The following BBX variants were observed in gnomAD, a reference collection of about 807,000 sequenced individuals.
BBX encodes HMG box transcription factor BBX.
A neutral mutation model predicts 100.2 loss-of-function variants in BBX; 30 were observed. That is an observed-to-expected ratio of 0.30 (90% CI 0.22 to 0.41). The LOEUF is 0.41. Ranked by LOEUF, BBX falls within the 10% of genes least tolerant of loss-of-function variation. BBX has a pLI of 1.00. For missense variants in BBX, 1,023 were observed against 1,129.8 expected (o/e 0.91, Z 1.35); for synonymous variants, 376 against 388.1 (o/e 0.97, Z 0.37).
At chr3:107,693,360 T>G (rs1465368570) in intron 3 of BBX, among the ~76,000 whole-genome samples, 2 of 151,808 alleles carry the variant, frequency 1.3e-5, no homozygotes, top group African/African-American at 2.4e-5. Context: ...TAGTCCATCT[T>G]GAATTGACTT....
intron 2 of BBX, among the ~76,000 whole-genome samples, chr3:107,560,985 CTGTGCATTGTAGAA>C: frequency 6.6e-6 from 1 of 152,202 alleles, no homozygotes; most frequent in Admixed American, 6.5e-5. Flanking sequence ...GAAGGCTGTC[CTGTGCATTGTAGAA>C]TGTTTAGCAG....
chr3:107,805,521 A>T lies in BBX; in HGVS notation c.*64A>T. On this transcript the variant is annotated 3_prime_UTR_variant, in exon 18 of 18. Coordinates refer to ENST00000325805, the MANE Select transcript of BBX (RefSeq NM_001142568.3). Reference sequence around the variant, plus strand: ...ACCCTAGCCTTGTCTTTACCGAGGGATGCTAGTGAGTCCAAGTGGTGGAAA... The same window carrying T: ...ACCCTAGCCTTGTCTTTACCGAGGGTTGCTAGTGAGTCCAAGTGGTGGAAA... 1 of 1,613,222 alleles carries T rather than the reference A, an allele frequency of 6.2e-7. No homozygotes were observed. The highest frequency in any genetic ancestry group is 8.5e-7 in the Non-Finnish European group (1 of 1,179,532).
At chr3:107,768,527 G>A (rs370225788) in intron 10 of BBX, among the ~76,000 whole-genome samples, 15 of 152,168 alleles carry the variant, frequency 9.9e-5, no homozygotes, top group Non-Finnish European at 1.3e-4. Flanking sequence ...GACATGAAAA[G>A]CAGCTTTATT....
chr3:107,572,960 A>G (rs1324810810), intron 2 of BBX, among the ~76,000 whole-genome samples: 2 of 152,208 alleles, frequency 1.3e-5, no homozygotes, highest in African/African-American at 2.4e-5. Flanking sequence ...AATATTTTAA[A>G]TGTTATCCCA....
chr3:107,723,207 A>G (rs1296472640), intron 5 of BBX, among the ~76,000 whole-genome samples: 2 of 151,922 alleles, frequency 1.3e-5, no homozygotes, highest in African/African-American at 2.4e-5. Flanking sequence ...CTTTCACCCT[A>G]TTGAAAAGAT....
In BBX at chr3:107,570,035, T is replaced by C. The variant is rs114205854; in HGVS notation, c.-84+43637T>C. Among the ~76,000 whole-genome samples the C allele has an allele frequency of 5.6e-3, 846 of 152,202 alleles. 7 individuals are homozygous for C. The highest frequency in any genetic ancestry group is 0.02 in the African/African-American group (812 of 41,534). ...AGTGGGGTCCCGTACAGATAGAACA[T>C]GGCTTAGGAGGAATCCCGGGCTGCA... On this transcript the variant is annotated intron_variant, in intron 2 of 17. Transcript: ENST00000325805.
At chr3:107,569,312 A>G (rs1293110974) in intron 2 of BBX, among the ~76,000 whole-genome samples, 4 of 152,224 alleles carry the variant, frequency 2.6e-5, no homozygotes, top group Non-Finnish European at 1.5e-5. Context: ...TTACCACGTT[A>G]ACAGTATTTT....
In BBX at chr3:107,728,858, C is replaced by T. The variant is rs1576534117; in HGVS notation, c.499C>T (p.Arg167Ter). 6.2e-7 allele frequency: 1 copy of T among 1,613,886 alleles called. No homozygotes were observed. The highest frequency in any genetic ancestry group is 8.5e-7 in the Non-Finnish European group (1 of 1,179,832). ...ATCCCCAACACCCACTGTCAATCCA[C>T]GAAAGAAACTTTGGGCCTTCCCATC... ...VKSPTPTVNPRKKLWAFPSDS... is the reference protein window; with the variant it reads ...VKSPTPTVNP Residue 167 changes from arginine (R) to a stop codon, truncating the protein, a stop_gained, in exon 6 of 18, where the codon CGA becomes TGA. Transcript: ENST00000325805. LOFTEE classifies it high-confidence loss of function.
rs911233047 is a variant in BBX, at chr3:107,807,659, C to T, written c.*2202C>T. On this transcript the variant is annotated 3_prime_UTR_variant, in exon 18 of 18. Transcript: ENST00000325805. ...GCACCCTCCTTCAGTCCTCCGATTA[C>T]ATTTCACTAGAGTTCCTTACGAGAT... The T allele has an allele frequency of 5.9e-5, 9 of 151,640 alleles. No homozygotes were observed. The highest frequency in any genetic ancestry group is 8.8e-5 in the Non-Finnish European group (6 of 67,938). 9.4% of individuals were successfully genotyped at this position (151,640 alleles called of 1,614,324 possible). A position where few individuals can be genotyped will look rare whatever the true frequency, so the allele number is the denominator to read the frequency against.
rs1041871571 is a variant in BBX at position 107,592,894 on chromosome 3, G to A, written c.-83-52942G>A. 7.2e-5 allele frequency among the ~76,000 whole-genome samples: 11 copies of A among 152,060 alleles called. No individual in the cohort carries two copies. In the East Asian group the frequency reaches 7.7e-4, roughly 11 times the overall value. On this transcript the variant is annotated intron_variant, in intron 2 of 17. Transcript: ENST00000325805. Reference sequence around the variant, plus strand: ...TTTTTAAGATCAAGGTCAAATGCTCGTTTAGCACTTTGTTTTTCAAAGATC... The same window carrying A: ...TTTTTAAGATCAAGGTCAAATGCTCATTTAGCACTTTGTTTTTCAAAGATC...
chr3:107,708,350 C>G (rs943640012), intron 3 of BBX, among the ~76,000 whole-genome samples: 1 of 152,092 alleles, frequency 6.6e-6, no homozygotes, highest in East Asian at 1.9e-4. Flanking sequence ...TCTTTTCCCC[C>G]TTTCTTTTTC....
intron 7 of BBX, among the ~76,000 whole-genome samples, chr3:107,735,266 A>G (rs1443282584): frequency 6.6e-6 from 1 of 152,152 alleles, no homozygotes; most frequent in Admixed American, 6.6e-5. Flanking sequence ...ATGCATAGGC[A>G]GATGAACATG....
intron 2 of BBX, among the ~76,000 whole-genome samples, chr3:107,644,246 C>T (rs1346792339): frequency 6.6e-6 from 1 of 152,074 alleles, no homozygotes; most frequent in African/African-American, 2.4e-5. Context: ...TTTTATTTCT[C>T]AGATAGCATA....
At chr3:107,582,495 A>T (rs983948170) in intron 2 of BBX, among the ~76,000 whole-genome samples, 2 of 152,106 alleles carry the variant, frequency 1.3e-5, no homozygotes, top group African/African-American at 4.8e-5. Flanking sequence ...AACTATTGAT[A>T]CTAATTTTAA....
chr3:107,735,131 G>A (rs1350556091), intron 7 of BBX, among the ~76,000 whole-genome samples: 1 of 152,094 alleles, frequency 6.6e-6, no homozygotes, highest in Non-Finnish European at 1.5e-5. Context: ...AAATAATGCT[G>A]TCTCTAAATA....
intron 2 of BBX, among the ~76,000 whole-genome samples, chr3:107,630,958 A>G (rs537502284): frequency 2.6e-5 from 4 of 152,130 alleles, no homozygotes; most frequent in East Asian, 1.9e-4. Flanking sequence ...TGATTTCCCT[A>G]TTCTCTTTTG....
chr3:107,744,637 C>T lies in BBX; in HGVS notation c.677C>T (p.Ser226Phe). The change falls in exon 8 of 18, where the codon TCT becomes TTT. Residue 226 changes from serine (S) to phenylalanine (F), a missense_variant. This residue lies in a region of BBX where 95 missense variants were observed against 95.1 expected (regional missense o/e 1.00). Transcript: ENST00000325805. ...EHALGTPEVS[S>F]GTCRPDVSES... ...TATCTTTCTTTGTTTCAGGTATCCT[C>T]TGGCACATGCAGGCCTGATGTTTCA... 6.2e-7 allele frequency: 1 copy of T among 1,612,720 alleles called. No homozygotes were observed. The highest frequency in any genetic ancestry group is 1.1e-5 in the South Asian group (1 of 91,012).
chr3:107,732,060 T>C (rs565755201), intron 6 of BBX, among the ~76,000 whole-genome samples: 1 of 152,274 alleles, frequency 6.6e-6, no homozygotes, highest in South Asian at 2.1e-4. Context: ...TTTGTTCATT[T>C]AATTTTTTAG....
intron 3 of BBX, among the ~76,000 whole-genome samples, chr3:107,672,348 C>A (rs2059062255): frequency 6.6e-6 from 1 of 151,926 alleles, no homozygotes; most frequent in Admixed American, 6.6e-5. Context: ...TATTTTATAA[C>A]CCTGTGATAC....
Sources: gnomAD v4.1 joint callset for allele counts (sites outside exome capture counted in the v4.1 genomes callset) on GRCh38, gnomAD v4.1.1 for gene constraint, gnomAD v4.1.1 regional missense constraint, MANE v1.5 for transcripts, NCBI Gene and HGNC (gene_info 2026-07-23, HGNC 2026-07-21) for gene names.